The following CALCOCO2 variants were observed in gnomAD, a reference collection of about 807,000 sequenced individuals.
CALCOCO2 encodes the protein calcium binding and coiled-coil domain 2.
In CALCOCO2, 42 loss-of-function variants were observed where a neutral mutation model predicts 62.5. That is an observed-to-expected ratio of 0.67 (90% CI 0.53 to 0.87). CALCOCO2 has a LOEUF of 0.87. CALCOCO2 is among the 40% of genes least tolerant of loss of function. CALCOCO2 has a pLI of 0.00. For missense variants in CALCOCO2, 456 were observed against 515.0 expected (o/e 0.89, Z 1.11); for synonymous variants, 167 against 173.0 (o/e 0.97, Z 0.27).
At chr17:48,856,655 T>G (rs1244072761) in intron 10 of CALCOCO2, 1 of 453,818 alleles carries the variant, frequency 2.2e-6, no homozygotes, top group Non-Finnish European at 4.4e-6. Context: ...ATTCATTCAT[T>G]CATTCATTCA....
intron 9 of CALCOCO2, among the ~76,000 whole-genome samples, chr17:48,855,091 G>A (rs2143648589): frequency 6.6e-6 from 1 of 152,258 alleles, no homozygotes; most frequent in South Asian, 2.1e-4. Context: ...CCCTTGTTAA[G>A]GTGAGAAAGT....
intron 1 of CALCOCO2, among the ~76,000 whole-genome samples, chr17:48,836,492 G>A (rs1405865238): frequency 6.6e-6 from 1 of 152,118 alleles, no homozygotes; most frequent in Non-Finnish European, 1.5e-5. Flanking sequence ...GATGAATGAT[G>A]TGCATATCTT....
intron 8 of CALCOCO2, 121 bp from the exon 9 acceptor site, chr17:48,852,805 A>G: frequency 1.0e-6 from 1 of 980,900 alleles, no homozygotes; most frequent in Non-Finnish European, 1.6e-6. Context: ...GAAACTGACG[A>G]GAGAAGACTT....
At chr17:48,846,909 T>A (rs1408963042) in intron 2 of CALCOCO2, among the ~76,000 whole-genome samples, 1 of 152,212 alleles carries the variant, frequency 6.6e-6, no homozygotes, top group Non-Finnish European at 1.5e-5. Flanking sequence ...TTCCTTTCTA[T>A]TCTCTGGTGT....
rs1310145883 is a variant in CALCOCO2, at chr17:48,851,566, G to T, written c.640G>T (p.Glu214Ter). The T allele has an allele frequency of 3.1e-6, 5 of 1,594,340 alleles. 1 individual carries two copies. In the South Asian group the frequency reaches 5.5e-5, roughly 18 times the overall value. Residue 214 changes from glutamate to a stop codon, truncating the protein, a stop_gained, in exon 7 of 13, where the codon GAA becomes TAA. Transcript: ENST00000258947. LOFTEE classifies it high-confidence loss of function. Reference protein sequence around the residue: ...YWETELLQLKEQNQKMSSENE... With the variant: ...YWETELLQLK The stretch of plus-strand genomic sequence containing the variant: ...TTATCTCCACCTCTACAGACTGAAA[G>T]AACAAAACCAGAAGATGTCCTCAGA...
intron 1 of CALCOCO2, among the ~76,000 whole-genome samples, chr17:48,835,577 T>C (rs2039878665): frequency 6.6e-6 from 1 of 152,144 alleles, no homozygotes; most frequent in Admixed American, 6.6e-5. Flanking sequence ...CCAGACAGAT[T>C]ATTAGGTTTT....
At chr17:48,845,741 A>G (rs183865947) in intron 2 of CALCOCO2, among the ~76,000 whole-genome samples, 2 of 150,494 alleles carry the variant, frequency 1.3e-5, no homozygotes, top group Admixed American at 1.3e-4. Context: ...AAAAAAAAAA[A>G]AAAGAAAAGA....
chr17:48,842,851 GGCTGGTCTT>G (rs1448126495), intron 2 of CALCOCO2, among the ~76,000 whole-genome samples: 1 of 151,932 alleles, frequency 6.6e-6, no homozygotes, highest in East Asian at 1.9e-4. Context: ...ATGTTGGTCA[GGCTGGTCTT>G]GAATTCCTGA....
intron 9 of CALCOCO2, among the ~76,000 whole-genome samples, chr17:48,853,940 T>C (rs1325675032): frequency 6.6e-6 from 1 of 152,282 alleles, no homozygotes; most frequent in East Asian, 1.9e-4. Context: ...TTCCTTCGTT[T>C]GATTACATTT....
chr17:48,841,730 C>T lies in CALCOCO2; in HGVS notation c.23C>T (p.Pro8Leu), dbSNP rs758085076. ...ACCATGGAGGAGACCATCAAAGATC[C>T]CCCCACATCAGCTGTCTTGCTGGAT... MEETIKD[P>L]PTSAVLLDHC... Residue 8 changes from proline (P) to leucine (L), a missense_variant, in exon 2 of 13, where the codon CCC becomes CTC. Transcript: ENST00000258947. 1 of 1,612,208 alleles carries T rather than the reference C, an allele frequency of 6.2e-7. No individual in the cohort carries two copies. The highest frequency in any genetic ancestry group is 1.1e-5 in the South Asian group (1 of 90,850).
At chr17:48,839,670 CTTTTT>C (rs766846336) in intron 1 of CALCOCO2, among the ~76,000 whole-genome samples, 8 of 66,176 alleles carry the variant, frequency 1.2e-4, no homozygotes, top group Admixed American at 2.0e-4. Flanking sequence ...CTTTGCTTTG[CTTTTT>C]TTTTTTTTTT....
In CALCOCO2 at chr17:48,854,378, T is replaced by TTTTATATATA. The variant is rs1489635512; in HGVS notation, c.912+1367_912+1368insTTATATATAT. On this transcript the variant is annotated intron_variant, in intron 9 of 12. Transcript: ENST00000258947. ...AGGTATGGATTTCCTTGGTTTTCTT[T>TTTTATATATA]TATTTATATATATATATATTTTTTT... is the stretch of plus-strand genomic sequence containing the variant. 4.9e-4 allele frequency among the ~76,000 whole-genome samples: 6 copies of TTTTATATATA among 12,150 alleles called. 1 individual carries two copies. Among genetic ancestry groups the TTTTATATATA allele is most frequent in the East Asian group, 0.018 (2 of 112 alleles). The allele number at this position is 12,150 out of a possible 152,430, so 8.0% of individuals were successfully genotyped here.
chr17:48,837,975 G>A lies in CALCOCO2; in HGVS notation c.-10-3723G>A, dbSNP rs531478430. Reference sequence around the variant, plus strand: ...AAAATTATATGTGTGCCAGCCGGGCGCGGTGGCTTACATTGAAGCAGGAAG... The same window carrying A: ...AAAATTATATGTGTGCCAGCCGGGCACGGTGGCTTACATTGAAGCAGGAAG... On this transcript the variant is annotated intron_variant, in intron 1 of 12. Transcript: ENST00000258947. Among the ~76,000 whole-genome samples the A allele has an allele frequency of 4.6e-5, 7 of 152,150 alleles. 1 individual carries two copies. The highest frequency in any genetic ancestry group is 1.7e-4 in the African/African-American group (7 of 41,514).
At chr17:48,859,045 CAAAAAAAAAAAAAAA>C (rs61643790) in intron 10 of CALCOCO2, among the ~76,000 whole-genome samples, 2 of 35,624 alleles carry the variant, frequency 5.6e-5, no homozygotes, top group Non-Finnish European at 9.4e-5. Context: ...GACTCTGTCT[CAAAAAAAAAAAAAAA>C]AAAAAAAAAA....
intron 2 of CALCOCO2, chr17:48,846,068 C>G: frequency 6.8e-7 from 1 of 1,478,664 alleles, no homozygotes; most frequent in Non-Finnish European, 9.1e-7. Context: ...CTCCTCATCA[C>G]CCCAGACACT....
intron 10 of CALCOCO2, among the ~76,000 whole-genome samples, chr17:48,859,367 G>A: frequency 6.6e-6 from 1 of 152,120 alleles, no homozygotes; most frequent in South Asian, 2.1e-4. Flanking sequence ...GGGAGGCCAA[G>A]GCAGGAAGGT....
intron 1 of CALCOCO2, among the ~76,000 whole-genome samples, chr17:48,837,428 TG>T (rs2039909083): frequency 6.6e-6 from 1 of 152,038 alleles, no homozygotes; most frequent in Admixed American, 6.6e-5. Context: ...GTGGATCACC[TG>T]AGGTCAGGAG....
chr17:48,861,316 A>T (rs2040323206), intron 11 of CALCOCO2, among the ~76,000 whole-genome samples: 1 of 152,098 alleles, frequency 6.6e-6, no homozygotes, highest in African/African-American at 2.4e-5. Flanking sequence ...TCCTGGGCTC[A>T]CCTGATCCTC....
intron 11 of CALCOCO2, among the ~76,000 whole-genome samples, chr17:48,861,659 G>GTATATATATATA (rs367595425): frequency 0.015 from 2,043 of 135,146 alleles, 36 homozygotes; most frequent in Middle Eastern, 0.044. Flanking sequence ...ATATGTGTGT[G>GTATATATATATA]TGTATATATA....
Sources: gnomAD v4.1 joint callset for allele counts (sites outside exome capture counted in the v4.1 genomes callset) on GRCh38, gnomAD v4.1.1 for gene constraint, MANE v1.5 for transcripts, NCBI Gene and HGNC (gene_info 2026-07-23, HGNC 2026-07-21) for gene names.